Variants in LARGE1 observed in about 807,000 individuals in gnomAD.
LARGE1 encodes LARGE xylosyl- and glucuronyltransferase 1, also known as xylosyl- and glucuronyltransferase LARGE1.
Under a neutral mutation model 87.6 loss-of-function variants are expected in LARGE1, and 43 were observed. That is an observed-to-expected ratio of 0.49 (90% confidence interval 0.38 to 0.63). The LOEUF (loss-of-function observed/expected upper bound fraction) is 0.63, where lower values mean the gene tolerates loss of function less well. Among genes scored for constraint, LARGE1 ranks in the 30% least tolerant of loss-of-function variants. The probability of loss-of-function intolerance (pLI) is 0.00; values close to 1 mark genes in which losing one functional copy is unlikely to be tolerated. For synonymous variants in LARGE1, 434 were observed against 394.6 expected (o/e 1.10, Z -1.18); for missense variants, 802 against 1,000.2 (o/e 0.80, Z 2.67).
chr22:33,667,278 G>A (rs564404679), intron 2 of LARGE1, among the ~76,000 whole-genome samples: 52 of 152,280 alleles, frequency 3.4e-4, no homozygotes, highest in African/African-American at 1.2e-3. Flanking sequence ...ACTAAGAAGC[G>A]TCAGCCCCAA....
chr22:33,732,806 C>G (rs1257136587), intron 2 of LARGE1: 1 of 152,246 alleles, frequency 6.6e-6, no homozygotes. Context: ...CGCACACTCT[C>G]CTGTGGCAGC....
Position 33,441,071 on chromosome 22 carries a change from C to CTTTTTTTTTTTTTTTTTTTTTTTTTTT in LARGE1, c.788-8807_788-8806insAAAAAAAAAAAAAAAAAAAAAAAAAAA, listed in dbSNP as rs35976426. 3.0e-5 allele frequency among the ~76,000 whole-genome samples: 3 copies of CTTTTTTTTTTTTTTTTTTTTTTTTTTT among 98,526 alleles called. 1 individual carries two copies. Among genetic ancestry groups the CTTTTTTTTTTTTTTTTTTTTTTTTTTT allele is most frequent in the African/African-American group, 1.5e-4 (3 of 20,398 alleles). 64.6% of individuals were successfully genotyped at this position (98,526 alleles called of 152,430 possible). On this transcript the variant is annotated intron_variant, in intron 6 of 14. Coordinates refer to ENST00000397394, the MANE Select transcript of LARGE1 (RefSeq NM_133642.5). ...CTCAGCTGCTGCTATTTTGTTTGAACTTTTTTTTTTTTTTTTTTTTGAGAG... is the reference window on the plus strand; with the variant it reads ...CTCAGCTGCTGCTATTTTGTTTGAACTTTTTTTTTTTTTTTTTTTTTTTTTTTTTTTTTTTTTTTTTTTTTTTGAGAG...
At chr22:33,447,635 C>T (rs2067737623) in intron 6 of LARGE1, among the ~76,000 whole-genome samples, 1 of 152,206 alleles carries the variant, frequency 6.6e-6, no homozygotes. Context: ...CTGGCTCTGC[C>T]AAAGAGGCGG....
At chr22:33,891,798 G>C (rs1037185656) in intron 1 of LARGE1, among the ~76,000 whole-genome samples, 3 of 152,178 alleles carry the variant, frequency 2.0e-5, no homozygotes, top group African/African-American at 7.2e-5. Flanking sequence ...AGCTGGTTTT[G>C]GTTCATCAAA....
At chr22:33,423,440 G>A (rs1395057034) in intron 7 of LARGE1, among the ~76,000 whole-genome samples, 1 of 151,926 alleles carries the variant, frequency 6.6e-6, no homozygotes, top group African/African-American at 2.4e-5. Context: ...ACTTTGGGAG[G>A]CTGAGGTGGG....
At chr22:33,900,530 T>C (rs999173561) in intron 1 of LARGE1, among the ~76,000 whole-genome samples, 2 of 152,098 alleles carry the variant, frequency 1.3e-5, no homozygotes, top group African/African-American at 4.8e-5. Context: ...GATCCTTACA[T>C]TAAAGGCGAG....
intron 6 of LARGE1, among the ~76,000 whole-genome samples, chr22:33,552,332 C>T (rs2077550563): frequency 6.6e-6 from 1 of 152,150 alleles, no homozygotes; most frequent in African/African-American, 2.4e-5. Context: ...CTTGACCTCC[C>T]CTCTCTCCTT....
At chr22:33,894,662 C>T (rs1024400779) in intron 1 of LARGE1, among the ~76,000 whole-genome samples, 2 of 152,038 alleles carry the variant, frequency 1.3e-5, no homozygotes, top group Non-Finnish European at 2.9e-5. Flanking sequence ...TAGGACAGGG[C>T]TTTGGAGTTC....
At chr22:33,878,811 C>G (rs530976602) in intron 1 of LARGE1, among the ~76,000 whole-genome samples, 3 of 152,198 alleles carry the variant, frequency 2.0e-5, no homozygotes, top group African/African-American at 7.2e-5. Context: ...CTGGGATCAC[C>G]GATGGATGCT....
At chr22:33,677,478 T>C (rs1371128688) in intron 2 of LARGE1, among the ~76,000 whole-genome samples, 1 of 152,026 alleles carries the variant, frequency 6.6e-6, no homozygotes. Flanking sequence ...CTTCCATCTA[T>C]CTCCCCCTTA....
rs991447285 is a variant in LARGE1 at position 33,806,983 on chromosome 22, CG to C, written c.-82-45426del. Among the ~76,000 whole-genome samples, 6 of 151,668 alleles carry C rather than the reference CG, an allele frequency of 4.0e-5. No homozygotes were observed. The South Asian group carries it at 6.2e-4, about 16-fold the overall frequency. ...TGAGATCTCACCATTGCACTCCAGC[CG>C]GGCGACACAGTGAGACTCCGTCTCA... is the stretch of plus-strand genomic sequence containing the variant. On this transcript the variant is annotated intron_variant, in intron 1 of 14. Coordinates refer to ENST00000397394, the MANE Select transcript of LARGE1 (RefSeq NM_133642.5).
intron 5 of LARGE1, among the ~76,000 whole-genome samples, chr22:33,590,915 T>G (rs891575077): frequency 3.3e-5 from 5 of 152,112 alleles, no homozygotes; most frequent in Admixed American, 2.6e-4. Flanking sequence ...TTTAAAAAGC[T>G]GCCAAGGCCG....
intron 1 of LARGE1, among the ~76,000 whole-genome samples, chr22:33,918,528 A>G (rs1601916497): frequency 6.6e-6 from 1 of 152,224 alleles, no homozygotes; most frequent in Non-Finnish European, 1.5e-5. Flanking sequence ...CAATAAAGGT[A>G]CACTAAGAGA....
At chr22:33,440,762 T>G (rs2067437002) in intron 6 of LARGE1, among the ~76,000 whole-genome samples, 1 of 152,184 alleles carries the variant, frequency 6.6e-6, no homozygotes, top group African/African-American at 2.4e-5. Flanking sequence ...GAACGATATT[T>G]AAACAACCCC....
chr22:33,518,273 C>T (rs2071404557), intron 6 of LARGE1, among the ~76,000 whole-genome samples: 1 of 152,214 alleles, frequency 6.6e-6, no homozygotes, highest in Non-Finnish European at 1.5e-5. Flanking sequence ...GAATCCCAAA[C>T]AGGTTAAATC....
chr22:33,743,400 T>C (rs1208510070), intron 2 of LARGE1, among the ~76,000 whole-genome samples: 1 of 152,116 alleles, frequency 6.6e-6, no homozygotes, highest in Non-Finnish European at 1.5e-5. Context: ...TCTGCCAGTA[T>C]CCATTTGCTC....
chr22:33,662,277 G>A (rs2081150023), intron 2 of LARGE1, among the ~76,000 whole-genome samples: 1 of 152,006 alleles, frequency 6.6e-6, no homozygotes, highest in Non-Finnish European at 1.5e-5. Flanking sequence ...CCAAACCTGA[G>A]CAAAAGTTCT....
intron 1 of LARGE1, among the ~76,000 whole-genome samples, chr22:33,814,918 A>G (rs571977188): frequency 1.3e-5 from 2 of 152,352 alleles, no homozygotes; most frequent in East Asian, 3.9e-4. Flanking sequence ...CCCTGCCTGC[A>G]GCGAAACAAC....
At chr22:33,286,883 C>T (rs1931644108) in intron 12 of LARGE1, among the ~76,000 whole-genome samples, 1 of 152,218 alleles carries the variant, frequency 6.6e-6, no homozygotes, top group Non-Finnish European at 1.5e-5. Context: ...ATGGGGGCAA[C>T]CTGCCCCTAT....
Sources: gnomAD v4.1 joint callset for allele counts (sites outside exome capture counted in the v4.1 genomes callset) on GRCh38, gnomAD v4.1.1 for gene constraint, MANE v1.5 for transcripts, NCBI Gene and HGNC (gene_info 2026-07-23, HGNC 2026-07-21) for gene names.